Variants in ASB5 observed in about 807,000 individuals in gnomAD.
ASB5 encodes ankyrin repeat and SOCS box containing 5, also known as ankyrin repeat and SOCS box protein 5.
ASB5 carries 45 observed loss-of-function variants against 42.1 expected under a neutral mutation model. The ratio of observed to expected loss-of-function variants is 1.07; its 90% confidence interval spans 0.84 to 1.37. The LOEUF is 1.37. Ranked by LOEUF, ASB5 falls within the 40% of genes most tolerant of loss-of-function variation. The pLI, the probability that ASB5 is intolerant of heterozygous loss-of-function variation, is 0.00. For missense variants in ASB5, 402 were observed against 399.8 expected (o/e 1.01, Z -0.05); for synonymous variants, 147 against 150.6 (o/e 0.98, Z 0.18).
intron 1 of ASB5, among the ~76,000 whole-genome samples, chr4:176,259,931 C>G (rs890742820): frequency 6.6e-6 from 1 of 152,114 alleles, no homozygotes; most frequent in African/African-American, 2.4e-5. Flanking sequence ...GAGAGGATGC[C>G]TTCCTGACAT....
rs1460665182 is a variant in ASB5 at position 176,216,826 on chromosome 4, T to C, written c.854A>G (p.Gln285Arg). The change falls in exon 6 of 7, where the codon CAA (glutamine) becomes CGA (arginine). Residue 285 changes from glutamine (Q) to arginine (R), a missense_variant. Physicochemically the swap from Gln to Arg is conservative, Grantham distance 43 (BLOSUM62 1). Transcript: ENST00000296525. ...SSSMVERILL[Q>R]HEATPSSLYQ... ...ACATGTATTTTTCTTACCTTCATGT[T>C]GAAGCAATATCCTTTCCACCATACT... The C allele has an allele frequency of 4.4e-6, 7 of 1,580,442 alleles. No homozygotes were observed. The highest frequency in any genetic ancestry group is 1.9e-5 in the Admixed American group (1 of 52,388).
chr4:176,222,236 G>T, intron 3 of ASB5, 77 bp downstream of exon 3: 1 of 1,339,976 alleles, frequency 7.5e-7, no homozygotes, highest in Non-Finnish European at 1.0e-6. Flanking sequence ...ATGAAGGAAA[G>T]AAAAGTAAAA....
intron 1 of ASB5, chr4:176,277,133 T>C (rs1039126643): frequency 3.9e-5 from 6 of 152,190 alleles, no homozygotes; most frequent in African/African-American, 1.4e-4. Flanking sequence ...AATTTCCTTT[T>C]AAAGGCAGCC....
rs570398453 is a variant in ASB5 at position 176,243,995 on chromosome 4, A to T, written c.197-18654T>A. On this transcript the variant is annotated intron_variant, in intron 1 of 6. Transcript: ENST00000296525. ...TTCAATCTGAACATTGTAATCTTTTAACTGGAAAAACCATTCAATTTATAG... is the reference window on the plus strand; with the variant it reads ...TTCAATCTGAACATTGTAATCTTTTTACTGGAAAAACCATTCAATTTATAG... Among the ~76,000 whole-genome samples the T allele has an allele frequency of 3.3e-5, 5 of 152,346 alleles. No homozygotes were observed. In the South Asian group the frequency reaches 1.0e-3, roughly 32 times the overall value.
chr4:176,235,772 G>C (rs1006252393), intron 1 of ASB5, among the ~76,000 whole-genome samples: 1 of 151,300 alleles, frequency 6.6e-6, no homozygotes, highest in African/African-American at 2.4e-5. Context: ...TAAATCTAGT[G>C]AAAGTTTGCT....
At chr4:176,218,224 A>AAATATATATATATTTGTATGATATAT (rs1753034345) in intron 5 of ASB5, among the ~76,000 whole-genome samples, 1 of 26,014 alleles carries the variant, frequency 3.8e-5, no homozygotes, top group African/African-American at 2.0e-4. Flanking sequence ...GTATGATATA[A>AAATATATATATATTTGTATGATATAT]ATATATATAT....
chr4:176,241,348 C>T, intron 1 of ASB5: 15 of 816,886 alleles, frequency 1.8e-5, no homozygotes, highest in South Asian at 4.4e-5. Flanking sequence ...TGTAAGTTTC[C>T]CATCCTTAGA....
intron 2 of ASB5, among the ~76,000 whole-genome samples, chr4:176,275,621 GA>G (rs1411805846): frequency 1.3e-5 from 2 of 152,150 alleles, no homozygotes; most frequent in Non-Finnish European, 2.9e-5. Context: ...GAGCAAAGGG[GA>G]GCCTCAGCAC....
At chr4:176,260,879 G>C (rs1754255928) in intron 1 of ASB5, among the ~76,000 whole-genome samples, 1 of 152,108 alleles carries the variant, frequency 6.6e-6, no homozygotes, top group African/African-American at 2.4e-5. Context: ...GTTTCACCTT[G>C]CTGGCCAAGA....
chr4:176,215,576 G>A lies in ASB5; in HGVS notation c.*24C>T. On this transcript the variant is annotated 3_prime_UTR_variant, in exon 7 of 7. Coordinates refer to ENST00000296525, the MANE Select transcript of ASB5 (RefSeq NM_080874.4). ...AAGAAATAGAAATTTTGATTTTCAA[G>A]GTATTTAGAATTACTTTACTGTTTT... The A allele has an allele frequency of 6.3e-7, 1 of 1,597,306 alleles. No individual in the cohort carries two copies. The highest frequency in any genetic ancestry group is 8.5e-7 in the Non-Finnish European group (1 of 1,171,324).
At chr4:176,272,935 G>A (rs1275504702), upstream of ASB5, among the ~76,000 whole-genome samples, 2 of 143,332 alleles carry the variant, frequency 1.4e-5, no homozygotes, top group East Asian at 2.1e-4. Context: ...ACCCACCTTC[G>A]ATGACCTTTT....
At chr4:176,272,649 C>T (rs1754490057), upstream of ASB5, among the ~76,000 whole-genome samples, 1 of 152,148 alleles carries the variant, frequency 6.6e-6, no homozygotes, top group African/African-American at 2.4e-5. Flanking sequence ...TTCAGTGTCC[C>T]AGAGTACTAC....
rs34392287 is a variant in ASB5, at chr4:176,251,564, TAAAAAAAAAAA to T, written c.196+17338_196+17348del. Among the ~76,000 whole-genome samples the T allele has an allele frequency of 6.0e-3, 62 of 10,374 alleles. 3 individuals are homozygous for T. The highest frequency in any genetic ancestry group is 0.02 in the African/African-American group (52 of 2,550). The allele number at this position is 10,374 out of a possible 152,430, so 6.8% of individuals were successfully genotyped here. A position where few individuals can be genotyped will look rare whatever the true frequency, so the allele number is the denominator to read the frequency against. ...GCGACACAGTGAGACTCTGTCTCAT[TAAAAAAAAAAA>T]AAAAAAAAAAAAAAAAATTGTTTGA... On this transcript the variant is annotated intron_variant, in intron 1 of 6. Transcript: ENST00000296525.
At chr4:176,256,406 T>C (rs1326596139) in intron 1 of ASB5, among the ~76,000 whole-genome samples, 1 of 152,180 alleles carries the variant, frequency 6.6e-6, no homozygotes, top group African/African-American at 2.4e-5. Flanking sequence ...CAGACAGGCT[T>C]TGCAGTGGCC....
chr4:176,221,061 G>T, intron 5 of ASB5, 94 bp downstream of exon 5: 1 of 1,364,542 alleles, frequency 7.3e-7, no homozygotes, highest in Non-Finnish European at 9.7e-7. Context: ...ACATTTTTTA[G>T]CAATGAGATC....
At chr4:176,235,686 C>T (rs72706397) in intron 1 of ASB5, among the ~76,000 whole-genome samples, 19,859 of 151,962 alleles carry the variant, frequency 0.13, 1,761 homozygotes, top group Admixed American at 0.19. Context: ...AAAATTTTGA[C>T]ACATACCATC....
chr4:176,218,262 ATT>A (rs1753038246), intron 5 of ASB5, among the ~76,000 whole-genome samples: 1 of 76,906 alleles, frequency 1.3e-5, no homozygotes, highest in Admixed American at 1.8e-4. Context: ...ATATATATAT[ATT>A]TGTATGATAT....
intron 1 of ASB5, among the ~76,000 whole-genome samples, chr4:176,227,399 CA>C (rs1753410015): frequency 6.6e-6 from 1 of 152,272 alleles, no homozygotes; most frequent in South Asian, 2.1e-4. Context: ...TTACCAGATA[CA>C]AAGGGATTGA....
At chr4:176,245,489 C>A (rs574311298) in intron 1 of ASB5, among the ~76,000 whole-genome samples, 1 of 152,096 alleles carries the variant, frequency 6.6e-6, no homozygotes, top group Non-Finnish European at 1.5e-5. Flanking sequence ...GACAGTGTGG[C>A]GATTCCTCAA....
Sources: allele counts gnomAD v4.1 joint callset (sites outside exome capture counted in the v4.1 genomes callset), GRCh38; gene constraint gnomAD v4.1.1; transcripts MANE v1.5; gene names NCBI Gene and HGNC (gene_info 2026-07-23, HGNC 2026-07-21).